CDC42SE2: variants seen among roughly 807,000 people sequenced by gnomAD.
The protein encoded by CDC42SE2 is CDC42 small effector 2, also known as CDC42 small effector protein 2.
CDC42SE2 carries 3 observed loss-of-function variants against 11.5 expected under a neutral mutation model. The ratio of observed to expected loss-of-function variants is 0.26; its 90% CI spans 0.12 to 0.67. The LOEUF is 0.67. Among genes scored for constraint, CDC42SE2 ranks in the 30% least tolerant of loss-of-function variants. The pLI is 0.80. For synonymous variants in CDC42SE2, 33 were observed against 34.8 expected (o/e 0.95, Z 0.18); for missense variants, 82 against 106.8 (o/e 0.77, Z 1.02).
chr5:131,328,421 C>G (rs1345243144), intron 2 of CDC42SE2, among the ~76,000 whole-genome samples: 1 of 151,948 alleles, frequency 6.6e-6, no homozygotes, highest in Non-Finnish European at 1.5e-5. Flanking sequence ...TTCTTCACTT[C>G]TTTTATCTTT....
At chr5:131,249,520 G>C (rs1383416944) in intron 1 of CDC42SE2, among the ~76,000 whole-genome samples, 1 of 152,100 alleles carries the variant, frequency 6.6e-6, no homozygotes, top group Admixed American at 6.5e-5. Context: ...GAAAAATGAG[G>C]AAAGGAGGAT....
the CDC42SE2 span, among the ~76,000 whole-genome samples, chr5:131,230,975 GTA>G: frequency 6.6e-6 from 1 of 152,076 alleles, no homozygotes; most frequent in Non-Finnish European, 1.5e-5. Flanking sequence ...ACACATGTAT[GTA>G]TATGTTTTCT....
chr5:131,334,345 G>T (rs1334586038), intron 2 of CDC42SE2, among the ~76,000 whole-genome samples: 1 of 152,282 alleles, frequency 6.6e-6, no homozygotes, highest in Non-Finnish European at 1.5e-5. Context: ...GCTTTTTGAT[G>T]TGTTGCTGGA....
chr5:131,344,295 C>T (rs1475300315), intron 2 of CDC42SE2, among the ~76,000 whole-genome samples: 1 of 152,194 alleles, frequency 6.6e-6, no homozygotes, highest in Non-Finnish European at 1.5e-5. Flanking sequence ...TTGGGACACT[C>T]CCACCCTAAT....
the CDC42SE2 span, among the ~76,000 whole-genome samples, chr5:131,232,328 G>T: frequency 6.6e-6 from 1 of 151,862 alleles, no homozygotes; most frequent in Non-Finnish European, 1.5e-5. Flanking sequence ...TGCCCAGGCT[G>T]GTCTTGAACT....
At chr5:131,226,265 T>C in the CDC42SE2 span, among the ~76,000 whole-genome samples, 2 of 152,242 alleles carry the variant, frequency 1.3e-5, no homozygotes, top group African/African-American at 4.8e-5. Flanking sequence ...CACTTTAGTA[T>C]AGCAATTTAG....
intron 1 of CDC42SE2, among the ~76,000 whole-genome samples, chr5:131,269,176 G>C (rs904345735): frequency 6.6e-6 from 1 of 152,084 alleles, no homozygotes; most frequent in Non-Finnish European, 1.5e-5. Context: ...AGACTGCTTT[G>C]GGCCCTCATC....
At chr5:131,379,162 A>T (rs1007752885) in intron 3 of CDC42SE2, among the ~76,000 whole-genome samples, 1 of 152,222 alleles carries the variant, frequency 6.6e-6, no homozygotes, top group Non-Finnish European at 1.5e-5. Flanking sequence ...TGCATAAATG[A>T]TTGCTATTTT....
chr5:131,325,846 C>G (rs576510308), intron 2 of CDC42SE2, among the ~76,000 whole-genome samples: 1 of 152,282 alleles, frequency 6.6e-6, no homozygotes, highest in South Asian at 2.1e-4. Flanking sequence ...TCACTACATA[C>G]TGCTTCTTCT....
rs1554066881 is a variant in CDC42SE2 at position 131,392,156 on chromosome 5, C to CTATTT, written c.*1068_*1072dup. On this transcript the variant is annotated 3_prime_UTR_variant, in exon 5 of 5. Transcript: ENST00000505065. ...AACACCATTTTGCAGTTTTTTTTTT[C>CTATTT]TATTTTAAACATTTTTCTTTTCACT... is the stretch of plus-strand genomic sequence containing the variant. 6.7e-6 allele frequency: 1 copy of CTATTT among 150,186 alleles called. No homozygotes were observed. The highest frequency in any genetic ancestry group is 1.5e-5 in the Non-Finnish European group (1 of 67,490). 9.3% of individuals were successfully genotyped at this position (150,186 alleles called of 1,614,324 possible).
At chr5:131,213,889 C>T in the CDC42SE2 span, among the ~76,000 whole-genome samples, 6 of 152,004 alleles carry the variant, frequency 3.9e-5, no homozygotes, top group African/African-American at 9.7e-5. Context: ...TTTTTTTCTG[C>T]TATAATCTTT....
At chr5:131,317,538 T>A (rs1248089748) in intron 2 of CDC42SE2, among the ~76,000 whole-genome samples, 1 of 151,900 alleles carries the variant, frequency 6.6e-6, no homozygotes, top group East Asian at 1.9e-4. Context: ...TGGAGGGAAG[T>A]TTGGCGGTGA....
chr5:131,338,700 G>C (rs954025428), intron 2 of CDC42SE2, among the ~76,000 whole-genome samples: 1 of 152,270 alleles, frequency 6.6e-6, no homozygotes, highest in Non-Finnish European at 1.5e-5. Flanking sequence ...ACTTGCCCAA[G>C]ATCCTAGAGA....
At chr5:131,305,697 GT>G (rs1247868828) in intron 1 of CDC42SE2, among the ~76,000 whole-genome samples, 1 of 152,148 alleles carries the variant, frequency 6.6e-6, no homozygotes, top group Non-Finnish European at 1.5e-5. Context: ...CTCTCAATCT[GT>G]GGATTGTCTC....
intron 3 of CDC42SE2, among the ~76,000 whole-genome samples, chr5:131,385,339 A>G (rs960710101): frequency 1.3e-5 from 2 of 152,218 alleles, no homozygotes; most frequent in Non-Finnish European, 2.9e-5. Flanking sequence ...AGCTCTAAAT[A>G]ATAACCTGTT....
chr5:131,342,388 C>CTTTTTTTTTTTTTTTTTTTT lies in CDC42SE2; in HGVS notation c.-285-16802_-285-16801insTTTTTTTTTTTTTTTTTTTT, dbSNP rs35818778. On this transcript the variant is annotated intron_variant, in intron 2 of 4. Transcript: ENST00000505065. ...TCAGAGATTTGCCATTTTTAATAGT[C>CTTTTTTTTTTTTTTTTTTTT]TTTTTTTTTTTTTTTTTTTAAGATA... Among the ~76,000 whole-genome samples, 121 of 111,296 alleles carry CTTTTTTTTTTTTTTTTTTTT rather than the reference C, an allele frequency of 1.1e-3. 21 individuals are homozygous for CTTTTTTTTTTTTTTTTTTTT. The highest frequency in any genetic ancestry group is 4.5e-3 in the African/African-American group (101 of 22,560). 73.0% of individuals were successfully genotyped at this position (111,296 alleles called of 152,430 possible). A position where few individuals can be genotyped will look rare whatever the true frequency, so the allele number is the denominator to read the frequency against.
chr5:131,257,777 C>A (rs1756690220), intron 2 of CDC42SE2, among the ~76,000 whole-genome samples: 3 of 152,068 alleles, frequency 2.0e-5, no homozygotes, highest in Admixed American at 2.0e-4. Flanking sequence ...CGCGCTCGGC[C>A]CCACCTGCTA....
chr5:131,389,087 C>T (rs1411214573), intron 4 of CDC42SE2, among the ~76,000 whole-genome samples: 4 of 152,104 alleles, frequency 2.6e-5, no homozygotes, highest in Non-Finnish European at 5.9e-5. Context: ...CTGCCTACTT[C>T]GAACTCCCAT....
chr5:131,295,082 A>T (rs942276241), intron 1 of CDC42SE2, among the ~76,000 whole-genome samples: 1 of 151,820 alleles, frequency 6.6e-6, no homozygotes, highest in East Asian at 1.9e-4. Flanking sequence ...AGCCGAGATC[A>T]TGCCACTGCG....
Sources: gnomAD v4.1 joint callset for allele counts (sites outside exome capture counted in the v4.1 genomes callset) on GRCh38, gnomAD v4.1.1 for gene constraint, MANE v1.5 for transcripts, NCBI Gene and HGNC (gene_info 2026-07-23, HGNC 2026-07-21) for gene names.